The following MCPH1 variants were observed in gnomAD, a reference collection of about 807,000 sequenced individuals.
MCPH1 encodes microcephalin 1, also known as microcephalin.
In MCPH1, 104 loss-of-function variants were observed where a neutral mutation model predicts 84.5. The observed-to-expected ratio is 1.23, with a 90% CI of 1.05 to 1.45. MCPH1 has a LOEUF of 1.45. Among genes scored for constraint, MCPH1 ranks in the 40% most tolerant of loss-of-function variants. The pLI, the probability that MCPH1 is intolerant of heterozygous loss-of-function variation, is 0.00. For synonymous variants in MCPH1, 514 were observed against 366.8 expected, an observed-to-expected ratio of 1.40 and a Z score of -4.58; for missense variants, 1,498 against 1,005.7, an observed-to-expected ratio of 1.49 and a Z score of -6.62.
intron 12 of MCPH1, among the ~76,000 whole-genome samples, chr8:6,587,266 C>G (rs75794334): frequency 0.094 from 14,320 of 152,198 alleles, 740 homozygotes; most frequent in South Asian, 0.13. Flanking sequence ...ATCGACTTCT[C>G]ACTTGGCCAT....
At chr8:6,553,968 C>A (rs2129575137) in intron 12 of MCPH1, among the ~76,000 whole-genome samples, 1 of 152,084 alleles carries the variant, frequency 6.6e-6, no homozygotes, top group Middle Eastern at 3.4e-3. Flanking sequence ...GTAGCATGTC[C>A]AGTTGGATAC....
intron 3 of MCPH1, among the ~76,000 whole-genome samples, chr8:6,419,823 G>T (rs1189940640): frequency 6.6e-6 from 1 of 151,994 alleles, no homozygotes; most frequent in Non-Finnish European, 1.5e-5. Flanking sequence ...CAAGTTCAAG[G>T]GTTTTGTTAT....
At chr8:6,613,531 G>T (rs890842600) in intron 12 of MCPH1, among the ~76,000 whole-genome samples, 11 of 152,182 alleles carry the variant, frequency 7.2e-5, no homozygotes, top group Non-Finnish European at 1.5e-4. Flanking sequence ...CTGGGCAGGG[G>T]CCTGGGGCTG....
intron 12 of MCPH1, among the ~76,000 whole-genome samples, chr8:6,547,362 C>T (rs1307276586): frequency 6.6e-6 from 1 of 152,076 alleles, no homozygotes; most frequent in Non-Finnish European, 1.5e-5. Flanking sequence ...CTCTTTAACC[C>T]TCTTGCCTTG....
chr8:6,536,997 C>T (rs1328731862), intron 12 of MCPH1, among the ~76,000 whole-genome samples: 3 of 150,650 alleles, frequency 2.0e-5, no homozygotes, highest in African/African-American at 7.3e-5. Flanking sequence ...AAAACCAACC[C>T]AGTAAATAAG....
intron 12 of MCPH1, among the ~76,000 whole-genome samples, chr8:6,592,641 T>TTTTTTTTTTTTTTG (rs1238168977): frequency 3.7e-5 from 4 of 107,428 alleles, no homozygotes; most frequent in Non-Finnish European, 7.5e-5. Context: ...TTTTTTTTTT[T>TTTTTTTTTTTTTTG]TTGTTGCTGT....
intron 12 of MCPH1, among the ~76,000 whole-genome samples, chr8:6,601,603 C>T (rs1034356809): frequency 1.3e-5 from 2 of 148,986 alleles, no homozygotes; most frequent in Admixed American, 6.7e-5. Flanking sequence ...GAAATACACA[C>T]ACCATACACA....
chr8:6,485,640 G>A lies in MCPH1; in HGVS notation c.2136+4764G>A, dbSNP rs946947398. Among the ~76,000 whole-genome samples, 27 of 151,966 alleles carry A rather than the reference G, an allele frequency of 1.8e-4. 1 individual carries two copies. Among genetic ancestry groups the A allele is most frequent in the African/African-American group, 6.5e-4 (27 of 41,342 alleles). Reference sequence around the variant, plus strand: ...GGCAAAACGTCACAAATGTATGTCTGTATTGCCCTTGCCTTACTGATGATG... The same window carrying A: ...GGCAAAACGTCACAAATGTATGTCTATATTGCCCTTGCCTTACTGATGATG... On this transcript the variant is annotated intron_variant, in intron 11 of 13. Transcript: ENST00000344683.
chr8:6,418,374 A>G (rs1799622944), intron 3 of MCPH1, among the ~76,000 whole-genome samples: 1 of 152,054 alleles, frequency 6.6e-6, no homozygotes, highest in South Asian at 2.1e-4. Context: ...CAGCTTTCAA[A>G]GCTCTCACAT....
chr8:6,592,641 T>TTTTTTTTTTTTTTTTTTTTTG (rs1238168977), intron 12 of MCPH1, among the ~76,000 whole-genome samples: 4 of 107,508 alleles, frequency 3.7e-5, no homozygotes, highest in African/African-American at 6.8e-5. Context: ...TTTTTTTTTT[T>TTTTTTTTTTTTTTTTTTTTTG]TTGTTGCTGT....
At chr8:6,509,796 T>C (rs539175207) in intron 12 of MCPH1, among the ~76,000 whole-genome samples, 8 of 152,210 alleles carry the variant, frequency 5.3e-5, no homozygotes, top group Non-Finnish European at 8.8e-5. Context: ...TCCTTAAATG[T>C]GCTCGGAACA....
chr8:6,445,184 G>A lies in MCPH1; in HGVS notation c.1462G>A (p.Gly488Arg). The change falls in exon 8 of 14, where the codon GGA becomes AGA. Residue 488 changes from glycine (G) to arginine (R), a missense_variant. Physicochemically the swap from Gly to Arg is moderately radical, Grantham distance 125. Transcript: ENST00000344683. ...AKTISSPRKT[G>R]NGEGRATSSC... ...AACCATCTCCAGTCCTCGGAAAACT[G>A]GAAATGGTGAAGGCCGTGCAACTTC... 1 of 1,614,234 alleles carries A rather than the reference G, an allele frequency of 6.2e-7. No homozygotes were observed. Among genetic ancestry groups the A allele is most frequent in the Non-Finnish European group, 8.5e-7 (1 of 1,180,040 alleles).
At chr8:6,562,842 C>T (rs751635361) in intron 12 of MCPH1, 10 of 1,613,938 alleles carry the variant, frequency 6.2e-6, no homozygotes, top group South Asian at 1.1e-5. Context: ...GATATTGCTT[C>T]TTTCCTATGC....
At chr8:6,414,985 A>C (rs1563172267) in intron 3 of MCPH1, 102 bp downstream of exon 3, 1 of 1,219,418 alleles carries the variant, frequency 8.2e-7, no homozygotes, top group South Asian at 1.3e-5. Context: ...TTTGATTTTC[A>C]TCTTTTCTCT....
rs185700212 is a variant in MCPH1 at position 6,628,444 on chromosome 8, T to C, written c.2452+6753T>C. 1.0e-4 allele frequency among the ~76,000 whole-genome samples: 12 copies of C among 117,868 alleles called. No homozygotes were observed. The Admixed American group carries it at 1.5e-3, about 15-fold the overall frequency. 77.3% of individuals were successfully genotyped at this position (117,868 alleles called of 152,430 possible). ...GAGATCACGCCACTGCACTCCAGCC[T>C]GGGCAACAGAGTAAGACTCTGTCTC... On this transcript the variant is annotated intron_variant, in intron 13 of 13. Transcript: ENST00000344683.
At position 6,625,566 on chromosome 8, in the gene MCPH1, CA is replaced by C. The variant is rs567328893; in HGVS notation, c.2452+3884del. ...AATTAAATTATGAAAAGACAATACT[CA>C]AAAAAAAATCAATTAAATTTATTCA... On this transcript the variant is annotated intron_variant, in intron 13 of 13. Coordinates refer to ENST00000344683, the MANE Select transcript of MCPH1 (RefSeq NM_024596.5). 158 of 973,422 alleles carry C rather than the reference CA, an allele frequency of 1.6e-4. 2 individuals carry two copies. In the South Asian group the frequency reaches 5.5e-3, roughly 34 times the overall value. 60.3% of individuals were successfully genotyped at this position (973,422 alleles called of 1,614,324 possible).
intron 12 of MCPH1, among the ~76,000 whole-genome samples, chr8:6,504,627 C>T (rs968639555): frequency 2.0e-5 from 3 of 152,028 alleles, no homozygotes; most frequent in Non-Finnish European, 4.4e-5. Flanking sequence ...AAAGTGCTTC[C>T]TTTAAGTGAA....
At chr8:6,466,306 T>G (rs910975931) in intron 9 of MCPH1, among the ~76,000 whole-genome samples, 1 of 150,806 alleles carries the variant, frequency 6.6e-6, no homozygotes, top group African/African-American at 2.4e-5. Flanking sequence ...CTGGCTAATT[T>G]TTTTTTTTTT....
intron 12 of MCPH1, among the ~76,000 whole-genome samples, chr8:6,526,736 A>G (rs765825844): frequency 3.3e-5 from 5 of 152,200 alleles, no homozygotes; most frequent in Non-Finnish European, 7.3e-5. Flanking sequence ...GAAATAGGAT[A>G]TATTGTTATA....
Sources: gnomAD v4.1 joint callset for allele counts (sites outside exome capture counted in the v4.1 genomes callset) on GRCh38, gnomAD v4.1.1 for gene constraint, MANE v1.5 for transcripts, NCBI Gene and HGNC (gene_info 2026-07-23, HGNC 2026-07-21) for gene names.